The following ERO1B variants were observed in gnomAD, a reference collection of about 807,000 sequenced individuals.
ERO1B encodes the protein endoplasmic reticulum oxidoreductase 1 beta.
In ERO1B, 49 loss-of-function variants were observed where a neutral mutation model predicts 75.3. That is an observed-to-expected ratio of 0.65 (90% CI 0.52 to 0.83). ERO1B has a LOEUF of 0.83. Among genes scored for constraint, ERO1B ranks in the 40% least tolerant of loss-of-function variants. The probability of loss-of-function intolerance (pLI) is 0.00; values close to 1 mark genes in which losing one functional copy is unlikely to be tolerated. For missense variants in ERO1B, 512 were observed against 560.1 expected (o/e 0.91, Z 0.87); for synonymous variants, 191 against 192.9 (o/e 0.99, Z 0.08).
chr1:236,252,366 T>C (rs1405636), intron 3 of ERO1B, among the ~76,000 whole-genome samples: 37,740 of 152,110 alleles, frequency 0.25, 4,871 homozygotes, highest in East Asian at 0.38. Context: ...GTATTTTTTA[T>C]AGTTTATATA....
intron 6 of ERO1B, among the ~76,000 whole-genome samples, chr1:236,239,998 G>A (rs933949015): frequency 8.7e-5 from 13 of 149,220 alleles, no homozygotes; most frequent in African/African-American, 2.7e-4. Flanking sequence ...TCTGCCTGTC[G>A]GGTTCAAGCA....
chr1:236,217,641 A>T lies in ERO1B; in HGVS notation c.*875T>A, dbSNP rs1250281370. 6.6e-6 allele frequency: 1 copy of T among 152,622 alleles called. No homozygotes were observed. The highest frequency in any genetic ancestry group is 1.5e-5 in the Non-Finnish European group (1 of 68,006). The allele number at this position is 152,622 out of a possible 1,614,324, so 9.5% of individuals were successfully genotyped here. ...ATTCATATAATCCCATTTAAATTTT[A>T]TCAAGAAGTAATCTGTTAAATATTT... On this transcript the variant is annotated 3_prime_UTR_variant, in exon 16 of 16. Coordinates refer to ENST00000354619, the MANE Select transcript of ERO1B (RefSeq NM_019891.4).
intron 1 of ERO1B, among the ~76,000 whole-genome samples, chr1:236,275,606 C>T (rs1665693797): frequency 6.6e-6 from 1 of 152,166 alleles, no homozygotes; most frequent in Non-Finnish European, 1.5e-5. Flanking sequence ...CTCTCCCCTT[C>T]CTGCAGATTG....
intron 1 of ERO1B, among the ~76,000 whole-genome samples, chr1:236,280,648 G>A (rs1464562458): frequency 6.6e-6 from 1 of 152,156 alleles, no homozygotes; most frequent in South Asian, 2.1e-4. Flanking sequence ...TTAGTGCAGG[G>A]CACCATAAAA....
intron 1 of ERO1B, among the ~76,000 whole-genome samples, chr1:236,278,213 A>G (rs1458247621): frequency 6.6e-6 from 1 of 152,054 alleles, no homozygotes. Context: ...TTTTCCCAGA[A>G]TAAATATTTG....
intron 5 of ERO1B, among the ~76,000 whole-genome samples, chr1:236,244,839 GA>G (rs66540035): frequency 0.068 from 10,416 of 152,174 alleles, 731 homozygotes; most frequent in East Asian, 0.39. Context: ...TCAGTTTGAA[GA>G]TGGATGCAAC....
intron 2 of ERO1B, among the ~76,000 whole-genome samples, chr1:236,266,200 A>G (rs1308515015): frequency 6.6e-6 from 1 of 152,274 alleles, no homozygotes; most frequent in South Asian, 2.1e-4. Context: ...AATAAGAAGT[A>G]AAAAAGAGAA....
chr1:236,224,628 G>A (rs1336999312), intron 13 of ERO1B, among the ~76,000 whole-genome samples: 1 of 152,126 alleles, frequency 6.6e-6, no homozygotes, highest in Non-Finnish European at 1.5e-5. Context: ...CATGTTAACA[G>A]GTAGTTTTAA....
chr1:236,232,890 AGATCC>A, intron 8 of ERO1B, 51 bp from the exon 9 acceptor site: 1 of 1,452,406 alleles, frequency 6.9e-7, no homozygotes, highest in South Asian at 1.3e-5. Context: ...TACATAGCTC[AGATCC>A]CAATACTATT....
Position 236,218,278 on chromosome 1 carries a change from G to T in ERO1B, c.*238C>A. 4.3e-6 allele frequency: 1 copy of T among 231,658 alleles called. No homozygotes were observed. Among genetic ancestry groups the T allele is most frequent in the Non-Finnish European group, 8.0e-6 (1 of 124,970 alleles). 14.4% of individuals were successfully genotyped at this position (231,658 alleles called of 1,614,324 possible). ...GAATTTTCATTACATGAAAACATAT[G>T]AAATTAAACACAAAATTAGTATAAC... is the stretch of plus-strand genomic sequence containing the variant. On this transcript the variant is annotated 3_prime_UTR_variant, in exon 16 of 16. Coordinates refer to ENST00000354619, the MANE Select transcript of ERO1B (RefSeq NM_019891.4).
intron 5 of ERO1B, among the ~76,000 whole-genome samples, chr1:236,248,235 C>T (rs78247120): frequency 2.2e-3 from 332 of 152,148 alleles, no homozygotes; most frequent in East Asian, 4.4e-3. Context: ...CTAGTAATTA[C>T]GAAGTATAAA....
At chr1:236,230,273 T>C in intron 9 of ERO1B, 23 bp from the exon 10 acceptor site, 1 of 1,565,644 alleles carries the variant, frequency 6.4e-7, no homozygotes, top group East Asian at 2.3e-5. Context: ...GAAAAGTGGA[T>C]TAAAACATTA....
At chr1:236,246,850 T>C (rs935925355) in intron 5 of ERO1B, among the ~76,000 whole-genome samples, 1 of 152,190 alleles carries the variant, frequency 6.6e-6, no homozygotes, top group African/African-American at 2.4e-5. Context: ...CACTTAAGAA[T>C]TTTCTATTCC....
chr1:236,267,741 A>C (rs1665481750), intron 2 of ERO1B: 1 of 152,218 alleles, frequency 6.6e-6, no homozygotes, highest in Non-Finnish European at 1.5e-5. Context: ...AGATTTATAG[A>C]TTTAGTGGTG....
At chr1:236,221,771 T>TCTAATA (rs1664149790) in intron 14 of ERO1B, 153 bp downstream of exon 14, 1 of 614,700 alleles carries the variant, frequency 1.6e-6, no homozygotes, top group African/African-American at 1.9e-5. Context: ...ACACATATAC[T>TCTAATA]TTAATTTTTT....
intron 2 of ERO1B, 95 bp downstream of exon 2, chr1:236,269,780 A>G: frequency 1.1e-6 from 1 of 904,368 alleles, no homozygotes; most frequent in Non-Finnish European, 1.7e-6. Flanking sequence ...GATATACACA[A>G]GGTGCTGAGA....
chr1:236,253,475 C>T lies in ERO1B; in HGVS notation c.253G>A (p.Ala85Thr). 6.2e-7 allele frequency: 1 copy of T among 1,610,424 alleles called. No individual in the cohort carries two copies. Among genetic ancestry groups the T allele is most frequent in the Non-Finnish European group, 8.5e-7 (1 of 1,177,868 alleles). Reference protein sequence around the residue: ...VNLKRPCPFWAEDGHCSIKDC... With the variant: ...VNLKRPCPFWTEDGHCSIKDC... ...TTTATTGAACAGTGGCCATCTTCTGCCCAGAAAGGACAAGGTCGCTTCAGA... is the reference window on the plus strand; with the variant it reads ...TTTATTGAACAGTGGCCATCTTCTGTCCAGAAAGGACAAGGTCGCTTCAGA... Residue 85 changes from alanine to threonine, a missense_variant, in exon 3 of 16, where the codon GCA (alanine) becomes ACA (threonine). Ala to Thr is a moderately conservative substitution (Grantham distance 58). Coordinates refer to ENST00000354619, the MANE Select transcript of ERO1B (RefSeq NM_019891.4).
At position 236,221,998 on chromosome 1, in the gene ERO1B, A is replaced by G. The variant is rs769382106; in HGVS notation, c.1135T>C (p.Leu379=). The part of the protein sequence containing the change: ...GAKSLKEEFR[L]HFKNISRIMD... ...ATACGGGAGATATTCTTGAAATGTA[A>G]TCGGAATTCCTCCTAGCAAGCAGAA... is the stretch of plus-strand genomic sequence containing the variant. Residue 379 remains leucine (L), a synonymous_variant, in exon 14 of 16, where the codon TTA becomes CTA. Transcript: ENST00000354619. The G allele has an allele frequency of 6.2e-7, 1 of 1,613,386 alleles. No individual in the cohort carries two copies. Among genetic ancestry groups the G allele is most frequent in the African/African-American group, 1.3e-5 (1 of 75,018 alleles).
At position 236,226,310 on chromosome 1, in the gene ERO1B, A is replaced by G. The variant is rs766146785; in HGVS notation, c.1011T>C (p.Ala337=). The G allele has an allele frequency of 9.3e-6, 15 of 1,614,060 alleles. No homozygotes were observed. In the South Asian group the frequency reaches 1.5e-4, roughly 17 times the overall value. ...DLYTGNAEED[A]DTKTLLLNIF... ...TATTCAGTAGAAGAGTTTTTGTGTC[A>G]GCATCTTCTTCTGCATTTCCAGTGT... Residue 337 remains alanine (A), a synonymous_variant, in exon 12 of 16, where the codon GCT becomes GCC. Transcript: ENST00000354619.
Sources: allele counts gnomAD v4.1 joint callset (sites outside exome capture counted in the v4.1 genomes callset), GRCh38; gene constraint gnomAD v4.1.1; transcripts MANE v1.5; gene names NCBI Gene and HGNC (gene_info 2026-07-23, HGNC 2026-07-21).